MAP4K3: variants seen among roughly 807,000 people sequenced by gnomAD.
MAP4K3 encodes the protein mitogen-activated protein kinase kinase kinase kinase 3.
In MAP4K3, 94 loss-of-function variants were observed where a neutral mutation model predicts 143.5. The observed-to-expected ratio is 0.65, with a 90% CI of 0.55 to 0.78. MAP4K3 has a LOEUF of 0.78. MAP4K3 is among the 30% of genes least tolerant of loss of function. The pLI is 0.00. For missense variants in MAP4K3, 1,077 were observed against 1,068.1 expected, an observed-to-expected ratio of 1.01 and a Z score of -0.12; for synonymous variants, 416 against 347.2, an observed-to-expected ratio of 1.20 and a Z score of -2.20.
intron 29 of MAP4K3, among the ~76,000 whole-genome samples, chr2:39,260,004 T>C (rs1573063200): frequency 6.6e-6 from 1 of 152,354 alleles, no homozygotes; most frequent in East Asian, 1.9e-4. Flanking sequence ...ATACCAAATA[T>C]ACATACCAAT....
intron 20 of MAP4K3, 109 bp downstream of exon 20, chr2:39,288,012 C>T (rs1409642091): frequency 5.1e-6 from 7 of 1,364,164 alleles, no homozygotes; most frequent in South Asian, 1.4e-5. Context: ...CACTGCTTTC[C>T]TTCTGTCCTC....
chr2:39,406,690 T>A (rs1311535518), intron 1 of MAP4K3, among the ~76,000 whole-genome samples: 4 of 152,128 alleles, frequency 2.6e-5, no homozygotes, highest in African/African-American at 9.7e-5. Context: ...ACTGACAGAT[T>A]TCATTAACAC....
intron 23 of MAP4K3, among the ~76,000 whole-genome samples, chr2:39,279,003 G>A (rs141847134): frequency 1.2e-3 from 186 of 152,274 alleles, no homozygotes; most frequent in Admixed American, 3.3e-3. Context: ...TAAAAGATAT[G>A]AGAAGCATGG....
chr2:39,313,005 C>T (rs1464396716), intron 13 of MAP4K3, among the ~76,000 whole-genome samples: 2 of 152,170 alleles, frequency 1.3e-5, no homozygotes, highest in African/African-American at 4.8e-5. Flanking sequence ...TATCACTGTA[C>T]CTGAACTCTG....
intron 27 of MAP4K3, among the ~76,000 whole-genome samples, chr2:39,265,566 T>C (rs779680005): frequency 3.3e-5 from 5 of 152,122 alleles, no homozygotes; most frequent in Non-Finnish European, 2.9e-5. Context: ...GGCTGTGGGG[T>C]AAGAGGAAGG....
intron 12 of MAP4K3, among the ~76,000 whole-genome samples, chr2:39,322,736 C>G (rs188396165): frequency 3.1e-4 from 46 of 150,308 alleles, no homozygotes; most frequent in African/African-American, 9.3e-4. Flanking sequence ...GTCGCATGAT[C>G]TTGGCTCACT....
chr2:39,416,991 ATCGGTTC>A lies in MAP4K3; in HGVS notation c.96+19894_96+19900del, dbSNP rs552964045. Among the ~76,000 whole-genome samples, 145 of 152,282 alleles carry A rather than the reference ATCGGTTC, an allele frequency of 9.5e-4. No homozygotes were observed. In the Middle Eastern group the frequency reaches 0.02, roughly 21 times the overall value. On this transcript the variant is annotated intron_variant, in intron 1 of 33. Coordinates refer to ENST00000263881, the MANE Select transcript of MAP4K3 (RefSeq NM_003618.4). ...CAACATAGCATGGATTAAGACTAAAATCGGTTCTTACATGTAAAAGTTCACAGAATAA... is the reference window on the plus strand; with the variant it reads ...CAACATAGCATGGATTAAGACTAAAATTACATGTAAAAGTTCACAGAATAA...
intron 16 of MAP4K3, among the ~76,000 whole-genome samples, chr2:39,296,437 G>C (rs1015949905): frequency 3.3e-5 from 5 of 152,132 alleles, no homozygotes; most frequent in African/African-American, 1.2e-4. Context: ...GTTTTATAAA[G>C]TAAATAACAA....
chr2:39,359,775 G>A (rs1423937990), intron 2 of MAP4K3, among the ~76,000 whole-genome samples: 1 of 152,242 alleles, frequency 6.6e-6, no homozygotes, highest in African/African-American at 2.4e-5. Flanking sequence ...ACCCTCTGAG[G>A]CAATGGCCTG....
intron 2 of MAP4K3, among the ~76,000 whole-genome samples, chr2:39,362,553 T>C (rs1259604275): frequency 1.3e-5 from 2 of 152,054 alleles, no homozygotes; most frequent in South Asian, 4.1e-4. Flanking sequence ...AACGTTTAAT[T>C]AGAAAAATAA....
intron 22 of MAP4K3, among the ~76,000 whole-genome samples, chr2:39,281,506 A>G (rs1254583168): frequency 6.6e-6 from 1 of 152,184 alleles, no homozygotes; most frequent in African/African-American, 2.4e-5. Context: ...CTTTTAAGAC[A>G]GCTACGGAAA....
At chr2:39,345,579 A>G (rs557490610) in intron 3 of MAP4K3, among the ~76,000 whole-genome samples, 14 of 152,292 alleles carry the variant, frequency 9.2e-5, no homozygotes, top group African/African-American at 3.4e-4. Context: ...AGGTCAACCA[A>G]CTTAAGAGTA....
At chr2:39,336,668 C>T (rs1234791565) in intron 6 of MAP4K3, among the ~76,000 whole-genome samples, 1 of 151,876 alleles carries the variant, frequency 6.6e-6, no homozygotes, top group Non-Finnish European at 1.5e-5. Context: ...TCAATAACTA[C>T]AAAGAAGCTA....
chr2:39,363,209 C>G (rs1416537514), intron 2 of MAP4K3, among the ~76,000 whole-genome samples: 1 of 152,148 alleles, frequency 6.6e-6, no homozygotes, highest in Non-Finnish European at 1.5e-5. Flanking sequence ...AAACAGACAA[C>G]TGAAATTCCA....
chr2:39,414,501 A>C (rs1667315240), intron 1 of MAP4K3, among the ~76,000 whole-genome samples: 1 of 152,050 alleles, frequency 6.6e-6, no homozygotes, highest in Admixed American at 6.6e-5. Context: ...TGGCCCCCAC[A>C]TTCCACCCCC....
intron 20 of MAP4K3, among the ~76,000 whole-genome samples, chr2:39,287,355 G>A (rs182678839): frequency 5.5e-4 from 83 of 151,268 alleles, no homozygotes; most frequent in South Asian, 1.7e-3. Context: ...GTGCAATGGC[G>A]TGATCTTGGC....
chr2:39,436,835 G>T, intron 1 of MAP4K3, 57 bp downstream of exon 1: 1 of 1,494,118 alleles, frequency 6.7e-7, no homozygotes, highest in Non-Finnish European at 9.2e-7. Flanking sequence ...CGGACGCCCA[G>T]GCTTGGCTGC....
At chr2:39,416,008 A>C (rs866956765) in intron 1 of MAP4K3, among the ~76,000 whole-genome samples, 1 of 92,024 alleles carries the variant, frequency 1.1e-5, no homozygotes, top group Non-Finnish European at 2.1e-5. Flanking sequence ...TATATATAAA[A>C]ATAACATTTG....
intron 1 of MAP4K3, among the ~76,000 whole-genome samples, chr2:39,397,824 G>A (rs1223464834): frequency 6.6e-6 from 1 of 151,978 alleles, no homozygotes; most frequent in Non-Finnish European, 1.5e-5. Context: ...AAACAGAGGA[G>A]ATAATCCAAT....
Sources: gnomAD v4.1 joint callset for allele counts (sites outside exome capture counted in the v4.1 genomes callset) on GRCh38, gnomAD v4.1.1 for gene constraint, MANE v1.5 for transcripts, NCBI Gene and HGNC (gene_info 2026-07-23, HGNC 2026-07-21) for gene names.